Variants in TRPC3 observed in about 807,000 individuals in gnomAD.
TRPC3 encodes the protein transient receptor potential cation channel subfamily C member 3.
In TRPC3, 54 loss-of-function variants were observed where a neutral mutation model predicts 90.9. The observed-to-expected ratio is 0.59, with a 90% CI of 0.48 to 0.75. The LOEUF (loss-of-function observed/expected upper bound fraction) is 0.75. Among genes scored for constraint, TRPC3 ranks in the 30% least tolerant of loss-of-function variants. TRPC3 has a pLI of 0.00. For synonymous variants in TRPC3, 424 were observed against 450.9 expected, an observed-to-expected ratio of 0.94 and a Z score of 0.75; for missense variants, 918 against 1,194.5, an observed-to-expected ratio of 0.77 and a Z score of 3.41.
chr4:121,913,375 T>G (rs1159046464), intron 4 of TRPC3, among the ~76,000 whole-genome samples: 1 of 152,202 alleles, frequency 6.6e-6, no homozygotes, highest in Non-Finnish European at 1.5e-5. Context: ...CTTGCTATGT[T>G]GCCTTTTTCC....
intron 3 of TRPC3, among the ~76,000 whole-genome samples, chr4:121,920,016 C>G (rs1380184706): frequency 1.3e-5 from 2 of 151,668 alleles, no homozygotes; most frequent in African/African-American, 2.4e-5. Flanking sequence ...GAACTCAAGA[C>G]TTTTGGTGGG....
chr4:121,899,283 T>A (rs1192537258), intron 10 of TRPC3, among the ~76,000 whole-genome samples: 4 of 152,228 alleles, frequency 2.6e-5, no homozygotes, highest in African/African-American at 9.6e-5. Context: ...TGTCTTCTAC[T>A]GCTTTCTCCA....
Position 121,899,497 on chromosome 4 carries a change from T to C in TRPC3, c.2547+115A>G, listed in dbSNP as rs1357255554. The C allele has an allele frequency of 5.4e-6, 4 of 742,604 alleles. No homozygotes were observed. In the Admixed American group the frequency reaches 7.9e-5, roughly 15 times the overall value. 46.0% of individuals were successfully genotyped at this position (742,604 alleles called of 1,614,324 possible). A position where few individuals can be genotyped will look rare whatever the true frequency, so the allele number is the denominator to read the frequency against. ...TTTTCTTTGTTCTGAACTATCCTCA[T>C]GGTATAATGGTATATCTCAAGAATA... On this transcript the variant is annotated intron_variant, in intron 10 of 11. Coordinates refer to ENST00000379645, the MANE Select transcript of TRPC3 (RefSeq NM_001130698.2).
In TRPC3 at chr4:121,876,757, G is replaced by A. The variant is rs1274633894; in HGVS notation, c.*2979C>T. 6.6e-6 allele frequency among the ~76,000 whole-genome samples: 1 copy of A among 152,124 alleles called. No individual in the cohort carries two copies. The highest frequency in any genetic ancestry group is 1.5e-5 in the Non-Finnish European group (1 of 68,024). ...AAGAACCCAAACTTTTCAACAGATT[G>A]TGACTTCCATAAAGTCATGGGTGCT... On this transcript the variant is annotated 3_prime_UTR_variant, in exon 12 of 12. Coordinates refer to ENST00000379645, the MANE Select transcript of TRPC3 (RefSeq NM_001130698.2).
At chr4:121,926,689 G>GAC (rs1465668077) in intron 2 of TRPC3, among the ~76,000 whole-genome samples, 5 of 152,292 alleles carry the variant, frequency 3.3e-5, no homozygotes, top group Non-Finnish European at 7.3e-5. Context: ...TTACAGGCAT[G>GAC]AGTCACCGCA....
rs144429477 is a variant in TRPC3, at chr4:121,885,146, G to A, written c.2548-2717C>T. Among the ~76,000 whole-genome samples the A allele has an allele frequency of 1.5e-4, 23 of 152,230 alleles. No individual in the cohort carries two copies. In the East Asian group the frequency reaches 3.5e-3, roughly 23 times the overall value. On this transcript the variant is annotated intron_variant, in intron 10 of 11. Coordinates refer to ENST00000379645, the MANE Select transcript of TRPC3 (RefSeq NM_001130698.2). ...CTGAGATTAGACAGAAATCAGTTTC[G>A]CCACACATGACACTACCTGGTAATA...
rs1028762168 is a variant in TRPC3 at position 121,911,733 on chromosome 4, G to A, written c.1558+144C>T. Reference sequence around the variant, plus strand: ...GCATTATCTAGCTAGAAAATTATTTGGTTATTTTGCTATTTAGCTTATCTT... The same window carrying A: ...GCATTATCTAGCTAGAAAATTATTTAGTTATTTTGCTATTTAGCTTATCTT... On this transcript the variant is annotated intron_variant, in intron 5 of 11. Coordinates refer to ENST00000379645, the MANE Select transcript of TRPC3 (RefSeq NM_001130698.2). 7 of 851,794 alleles carry A rather than the reference G, an allele frequency of 8.2e-6. No homozygotes were observed. The African/African-American group carries it at 1.0e-4, about 13-fold the overall frequency. 52.8% of individuals were successfully genotyped at this position (851,794 alleles called of 1,614,324 possible). A position where few individuals can be genotyped will look rare whatever the true frequency, so the allele number is the denominator to read the frequency against.
At position 121,892,566 on chromosome 4, in the gene TRPC3, G is replaced by A. The variant is rs970947186; in HGVS notation, c.2547+7046C>T. ...GTTAGGTACCACATTAGGAACATGA[G>A]AGAGAAATAAATTTCTATTTTCTTT... On this transcript the variant is annotated intron_variant, in intron 10 of 11. Coordinates refer to ENST00000379645, the MANE Select transcript of TRPC3 (RefSeq NM_001130698.2). 1.7e-4 allele frequency among the ~76,000 whole-genome samples: 26 copies of A among 152,256 alleles called. 1 individual carries two copies. Among genetic ancestry groups the A allele is most frequent in the Admixed American group, 1.6e-3 (24 of 15,288 alleles).
intron 2 of TRPC3, among the ~76,000 whole-genome samples, chr4:121,929,948 C>G (rs1729843885): frequency 6.6e-6 from 1 of 151,880 alleles, no homozygotes; most frequent in Non-Finnish European, 1.5e-5. Context: ...TGGAATAGGG[C>G]AAATTAGGTT....
chr4:121,889,561 C>G (rs1167516208), intron 10 of TRPC3, among the ~76,000 whole-genome samples: 3 of 151,942 alleles, frequency 2.0e-5, no homozygotes, highest in African/African-American at 7.2e-5. Flanking sequence ...TATTATCAAA[C>G]AGACAAAAAA....
Position 121,914,872 on chromosome 4 carries a change from G to C in TRPC3, c.1249C>G (p.Gln417Glu). 1 of 1,613,848 alleles carries C rather than the reference G, an allele frequency of 6.2e-7. No homozygotes were observed. Among genetic ancestry groups the C allele is most frequent in the Non-Finnish European group, 8.5e-7 (1 of 1,179,810 alleles). The change falls in exon 4 of 12, where the codon CAG (glutamine) becomes GAG (glutamate). Residue 417 changes from glutamine (Q) to glutamate (E), a missense_variant. Transcript: ENST00000379645. ...ACGAGACACTTGATAGCTATGGTCT[G>C]CTCCCTTAGGCCTGAGAGGTTCTCA... Reference protein sequence around the residue: ...WYENLSGLREQTIAIKCLVVL... With the variant: ...WYENLSGLREETIAIKCLVVL...
intron 10 of TRPC3, among the ~76,000 whole-genome samples, chr4:121,892,839 G>A (rs1728376522): frequency 1.3e-5 from 2 of 152,098 alleles, no homozygotes; most frequent in Non-Finnish European, 2.9e-5. Context: ...TAAGGAAGAG[G>A]TTGGGTGCTG....
At chr4:121,884,221 T>C (rs1195093662) in intron 10 of TRPC3, among the ~76,000 whole-genome samples, 2 of 152,148 alleles carry the variant, frequency 1.3e-5, no homozygotes, top group Non-Finnish European at 2.9e-5. Flanking sequence ...CAATAACAAG[T>C]AAATCTGTAG....
intron 10 of TRPC3, among the ~76,000 whole-genome samples, chr4:121,885,012 T>C (rs1728064303): frequency 6.6e-6 from 1 of 152,106 alleles, no homozygotes. Flanking sequence ...ATTATGTGTA[T>C]CAGTTGAAAG....
rs932345215 is a variant in TRPC3, at chr4:121,878,341, G to A, written c.*1395C>T. ...TCATGTCTAAAGAGCTTTTCTGCAT[G>A]ATAGCAATGATTTTAAAGTAGCATG... On this transcript the variant is annotated 3_prime_UTR_variant, in exon 12 of 12. Coordinates refer to ENST00000379645, the MANE Select transcript of TRPC3 (RefSeq NM_001130698.2). Among the ~76,000 whole-genome samples, 4 of 152,188 alleles carry A rather than the reference G, an allele frequency of 2.6e-5. No homozygotes were observed. The highest frequency in any genetic ancestry group is 9.7e-5 in the African/African-American group (4 of 41,438).
At chr4:121,934,048 A>C (rs898757156) in intron 1 of TRPC3, among the ~76,000 whole-genome samples, 2 of 152,234 alleles carry the variant, frequency 1.3e-5, no homozygotes, top group African/African-American at 4.8e-5. Flanking sequence ...CTAATTGTAC[A>C]TCCAGATCAA....
intron 10 of TRPC3, among the ~76,000 whole-genome samples, chr4:121,885,292 C>G (rs10518289): frequency 0.39 from 59,119 of 151,996 alleles, 11,624 homozygotes; most frequent in East Asian, 0.64. Context: ...CTAGTAAACC[C>G]AAGACAGTAT....
At chr4:121,911,765 G>T in intron 5 of TRPC3, 112 bp downstream of exon 5, 1 of 1,082,400 alleles carries the variant, frequency 9.2e-7, no homozygotes, top group Non-Finnish European at 1.3e-6. Context: ...TCTTGCAACA[G>T]TGATGTTGTC....
At chr4:121,912,995 A>G (rs948754668) in intron 4 of TRPC3, among the ~76,000 whole-genome samples, 2 of 152,196 alleles carry the variant, frequency 1.3e-5, no homozygotes, top group Non-Finnish European at 2.9e-5. Context: ...GTGACCTTAT[A>G]AAGTACTGAG....
Sources: gnomAD v4.1 joint callset for allele counts (sites outside exome capture counted in the v4.1 genomes callset) on GRCh38, gnomAD v4.1.1 for gene constraint, MANE v1.5 for transcripts, NCBI Gene and HGNC (gene_info 2026-07-23, HGNC 2026-07-21) for gene names.